The following ZBTB20 variants were observed in gnomAD, a reference collection of about 807,000 sequenced individuals.
ZBTB20 encodes zinc finger and BTB domain-containing protein 20.
In ZBTB20, 9 loss-of-function variants were observed where a neutral mutation model predicts 56.9. The observed-to-expected ratio is 0.16, with a 90% CI of 0.10 to 0.28. ZBTB20 has a LOEUF of 0.28. ZBTB20 is among the 10% of genes least tolerant of loss of function. ZBTB20 has a pLI of 1.00. For synonymous variants in ZBTB20, 417 were observed against 420.7 expected (o/e 0.99, Z 0.11); for missense variants, 655 against 1,003.0 (o/e 0.65, Z 4.69).
At chr3:114,867,510 A>G (rs920720343) in intron 4 of ZBTB20, among the ~76,000 whole-genome samples, 20 of 152,158 alleles carry the variant, frequency 1.3e-4, no homozygotes, top group Non-Finnish European at 2.4e-4. Flanking sequence ...ATCTCGTCTC[A>G]TTGCAACCTC....
intron 6 of ZBTB20, among the ~76,000 whole-genome samples, chr3:114,558,725 A>G (rs890419287): frequency 6.6e-6 from 1 of 152,120 alleles, no homozygotes; most frequent in African/African-American, 2.4e-5. Flanking sequence ...AAAAATCACC[A>G]ATGGCTGCTT....
chr3:114,722,269 T>C (rs2064972243), intron 5 of ZBTB20, among the ~76,000 whole-genome samples: 2 of 152,184 alleles, frequency 1.3e-5, no homozygotes, highest in Non-Finnish European at 1.5e-5. Context: ...TAATAATTCA[T>C]AGGAAAGCTA....
chr3:114,562,956 T>G (rs2052269952), intron 6 of ZBTB20, among the ~76,000 whole-genome samples: 1 of 152,154 alleles, frequency 6.6e-6, no homozygotes, highest in Admixed American at 6.5e-5. Context: ...ACAAATATAA[T>G]AATGATTAAA....
intron 1 of ZBTB20, among the ~76,000 whole-genome samples, chr3:115,075,622 GAAGTA>G (rs984366217): frequency 1.3e-5 from 2 of 152,070 alleles, no homozygotes; most frequent in African/African-American, 2.4e-5. Flanking sequence ...AGTACCAACA[GAAGTA>G]AAGTACATCA....
chr3:114,433,921 A>G (rs1410334922), intron 7 of ZBTB20, among the ~76,000 whole-genome samples: 1 of 152,158 alleles, frequency 6.6e-6, no homozygotes, highest in Non-Finnish European at 1.5e-5. Context: ...AGGGGATTGG[A>G]GGGTTAGCTA....
intron 6 of ZBTB20, among the ~76,000 whole-genome samples, chr3:114,636,378 T>C (rs920652166): frequency 6.6e-6 from 1 of 152,056 alleles, no homozygotes; most frequent in Admixed American, 6.6e-5. Flanking sequence ...AAGTATATAG[T>C]CAAATACTAG....
At chr3:114,628,031 T>A (rs1338067545) in intron 6 of ZBTB20, among the ~76,000 whole-genome samples, 2 of 152,164 alleles carry the variant, frequency 1.3e-5, no homozygotes, top group African/African-American at 2.4e-5. Context: ...TCTCAGTCTC[T>A]TCATTGAAAA....
intron 10 of ZBTB20, chr3:114,366,892 A>C (rs1400360005): frequency 6.6e-6 from 1 of 151,562 alleles, no homozygotes; most frequent in Non-Finnish European, 1.5e-5. Context: ...GTAAGTAAGC[A>C]GGGTGATTAC....
intron 6 of ZBTB20, among the ~76,000 whole-genome samples, chr3:114,689,466 T>A (rs1035857959): frequency 6.6e-6 from 1 of 152,074 alleles, no homozygotes; most frequent in Admixed American, 6.6e-5. Flanking sequence ...GGAAGGTGTA[T>A]CGTACTAGTT....
intron 4 of ZBTB20, among the ~76,000 whole-genome samples, chr3:114,814,622 T>G (rs1264810601): frequency 1.3e-5 from 2 of 152,210 alleles, no homozygotes; most frequent in Non-Finnish European, 2.9e-5. Context: ...AGTATTAACT[T>G]AAAGCTTAAC....
chr3:114,720,474 A>T (rs2064839058), intron 5 of ZBTB20, among the ~76,000 whole-genome samples: 1 of 152,092 alleles, frequency 6.6e-6, no homozygotes, highest in African/African-American at 2.4e-5. Context: ...TGAACAGAGG[A>T]AATAGAATCC....
intron 7 of ZBTB20, among the ~76,000 whole-genome samples, chr3:114,456,183 A>G (rs2092001544): frequency 6.7e-6 from 1 of 150,360 alleles, no homozygotes; most frequent in South Asian, 2.1e-4. Context: ...CACTTTATAT[A>G]TATGTGTGTT....
At chr3:115,146,815 G>A (rs2084995544) in intron 1 of ZBTB20, among the ~76,000 whole-genome samples, 1 of 152,168 alleles carries the variant, frequency 6.6e-6, no homozygotes. Context: ...CTTCTTGGAA[G>A]CAGCGGCTCC....
In ZBTB20 at chr3:114,769,105, T is replaced by A. The variant is rs571474023; in HGVS notation, c.-343+31996A>T. 3.7e-4 allele frequency among the ~76,000 whole-genome samples: 56 copies of A among 152,318 alleles called. 2 individuals carry two copies. The South Asian group carries it at 0.011, about 31-fold the overall frequency. Reference sequence around the variant, plus strand: ...CAAATAGATATTTTTGAACGTGTACTGCATATCTTATGGATGATGTTTGCA... The same window carrying A: ...CAAATAGATATTTTTGAACGTGTACAGCATATCTTATGGATGATGTTTGCA... On this transcript the variant is annotated intron_variant, in intron 5 of 11. Coordinates refer to ENST00000675478, the MANE Select transcript of ZBTB20 (RefSeq NM_001348800.3).
chr3:115,044,730 C>G (rs1035725176), intron 2 of ZBTB20, among the ~76,000 whole-genome samples: 2 of 152,338 alleles, frequency 1.3e-5, no homozygotes, highest in East Asian at 3.9e-4. Context: ...TTTGTTAAGA[C>G]TGTTTAACAA....
chr3:114,928,123 G>A (rs530216550), intron 3 of ZBTB20, among the ~76,000 whole-genome samples: 14 of 152,314 alleles, frequency 9.2e-5, no homozygotes, highest in Admixed American at 3.3e-4. Flanking sequence ...TGCTTTCCAG[G>A]TGTAAAATTC....
chr3:114,995,586 C>T (rs1240086824), intron 2 of ZBTB20, among the ~76,000 whole-genome samples: 1 of 151,772 alleles, frequency 6.6e-6, no homozygotes, highest in Non-Finnish European at 1.5e-5. Flanking sequence ...TATTTAGTAA[C>T]TTTGAAAAAA....
chr3:114,908,855 T>C (rs1490909080), intron 3 of ZBTB20, among the ~76,000 whole-genome samples: 3 of 151,884 alleles, frequency 2.0e-5, no homozygotes, highest in Non-Finnish European at 2.9e-5. Flanking sequence ...GGAGGATTAC[T>C]GAACTGAAAA....
intron 1 of ZBTB20, among the ~76,000 whole-genome samples, chr3:115,092,533 T>C (rs2083235940): frequency 6.6e-6 from 1 of 152,120 alleles, no homozygotes; most frequent in African/African-American, 2.4e-5. Context: ...TCTGATGACT[T>C]CTCCAAAATG....
Sources: allele counts gnomAD v4.1 joint callset (sites outside exome capture counted in the v4.1 genomes callset), GRCh38; gene constraint gnomAD v4.1.1; transcripts MANE v1.5; gene names NCBI Gene and HGNC (gene_info 2026-07-23, HGNC 2026-07-21).